Variants in ZNF804B observed in about 807,000 individuals in gnomAD.
ZNF804B encodes zinc finger protein 804B.
A neutral mutation model predicts 101.4 loss-of-function variants in ZNF804B; 80 were observed. The observed-to-expected ratio is 0.79, with a 90% confidence interval of 0.66 to 0.95. The LOEUF is 0.95. ZNF804B is among the 40% of genes least tolerant of loss of function. The pLI, the probability that ZNF804B is intolerant of heterozygous loss-of-function variation, is 0.00. For synonymous variants in ZNF804B, 622 were observed against 558.8 expected, an observed-to-expected ratio of 1.11 and a Z score of -1.59; for missense variants, 1,673 against 1,561.9, an observed-to-expected ratio of 1.07 and a Z score of -1.20.
At position 89,247,536 on chromosome 7, in the gene ZNF804B, C is replaced by A. The variant is rs187818397; in HGVS notation, c.249+29241C>A. Among the ~76,000 whole-genome samples, 4 of 151,884 alleles carry A rather than the reference C, an allele frequency of 2.6e-5. No individual in the cohort carries two copies. The East Asian group carries it at 7.7e-4, about 29-fold the overall frequency. ...CCAACATTGTCTACAATCACATAAC[C>A]AGGGATGGGTAAAGGGAAAGGGAAA... On this transcript the variant is annotated intron_variant, in intron 2 of 3. Coordinates refer to ENST00000333190, the MANE Select transcript of ZNF804B (RefSeq NM_181646.5).
intron 2 of ZNF804B, among the ~76,000 whole-genome samples, chr7:89,303,723 T>C (rs967668939): frequency 2.6e-5 from 4 of 151,952 alleles, no homozygotes; most frequent in Admixed American, 6.6e-5. Context: ...TATTTCATTG[T>C]AGTAATCATT....
chr7:88,802,409 C>T (rs1437017187), intron 1 of ZNF804B, among the ~76,000 whole-genome samples: 1 of 151,782 alleles, frequency 6.6e-6, no homozygotes, highest in Non-Finnish European at 1.5e-5. Flanking sequence ...TGTTAAAATA[C>T]GTTAAAATTG....
At chr7:89,008,210 T>C (rs1788398771) in intron 1 of ZNF804B, among the ~76,000 whole-genome samples, 1 of 152,142 alleles carries the variant, frequency 6.6e-6, no homozygotes, top group African/African-American at 2.4e-5. Flanking sequence ...CACCCAAATA[T>C]ATTGCATCAG....
intron 1 of ZNF804B, among the ~76,000 whole-genome samples, chr7:88,931,770 A>G (rs10241674): frequency 0.08 from 12,147 of 151,884 alleles, 854 homozygotes; most frequent in African/African-American, 0.18. Context: ...TGATCAATAA[A>G]TGTCTGTTGA....
At position 89,333,690 on chromosome 7, in the gene ZNF804B, A is replaced by C; in HGVS notation, c.708A>C (p.Ser236=). The change falls in exon 4 of 4, where the codon TCA becomes TCC. Residue 236 remains serine, a synonymous_variant. Transcript: ENST00000333190. The stretch of plus-strand genomic sequence containing the variant: ...ACCTAAAATTAGAATCTTCAGCATC[A>C]GTTTTCAGTGAGAACACAGAAGAAA... ...KVHLKLESSA[S]VFSENTEETH... The C allele has an allele frequency of 6.2e-7, 1 of 1,613,554 alleles. No individual in the cohort carries two copies. The highest frequency in any genetic ancestry group is 8.5e-7 in the Non-Finnish European group (1 of 1,179,710).
At chr7:89,001,069 A>G (rs1266322764) in intron 1 of ZNF804B, among the ~76,000 whole-genome samples, 1 of 147,768 alleles carries the variant, frequency 6.8e-6, no homozygotes, top group Non-Finnish European at 1.5e-5. Flanking sequence ...TGGGGTTGGA[A>G]TGATGTTGGT....
chr7:89,243,103 A>C (rs1333262200), intron 2 of ZNF804B, among the ~76,000 whole-genome samples: 1 of 151,836 alleles, frequency 6.6e-6, no homozygotes, highest in African/African-American at 2.4e-5. Context: ...CTTAACATTA[A>C]TCTTCTTATA....
chr7:88,904,598 T>C (rs1199392785), intron 1 of ZNF804B, among the ~76,000 whole-genome samples: 1 of 152,156 alleles, frequency 6.6e-6, no homozygotes, highest in Non-Finnish European at 1.5e-5. Context: ...GAATATTTTT[T>C]ATTTATTTGT....
chr7:89,245,610 T>A (rs1000182574), intron 2 of ZNF804B, among the ~76,000 whole-genome samples: 1 of 152,140 alleles, frequency 6.6e-6, no homozygotes, highest in Non-Finnish European at 1.5e-5. Flanking sequence ...AAAATAATGA[T>A]GGAAATTAAG....
At chr7:88,976,910 C>T (rs1187422468) in intron 1 of ZNF804B, among the ~76,000 whole-genome samples, 1 of 151,396 alleles carries the variant, frequency 6.6e-6, no homozygotes, top group Non-Finnish European at 1.5e-5. Flanking sequence ...TATGTTCTTT[C>T]TATATGCAGG....
chr7:88,788,458 C>T (rs1790335209), intron 1 of ZNF804B, among the ~76,000 whole-genome samples: 1 of 152,096 alleles, frequency 6.6e-6, no homozygotes, highest in Non-Finnish European at 1.5e-5. Flanking sequence ...TCATTCAGAT[C>T]TCAGTTTGAG....
At chr7:89,292,779 G>A (rs1790317303) in intron 2 of ZNF804B, among the ~76,000 whole-genome samples, 1 of 151,840 alleles carries the variant, frequency 6.6e-6, no homozygotes, top group Non-Finnish European at 1.5e-5. Flanking sequence ...GAAATAATTG[G>A]ATGAAAGGTC....
chr7:88,984,050 G>GA (rs1261917313), intron 1 of ZNF804B, among the ~76,000 whole-genome samples: 11 of 152,004 alleles, frequency 7.2e-5, no homozygotes, highest in African/African-American at 2.2e-4. Context: ...AAACCTAAAT[G>GA]AAAATAACTT....
intron 1 of ZNF804B, among the ~76,000 whole-genome samples, chr7:89,173,894 A>G (rs2116438482): frequency 6.6e-6 from 1 of 152,138 alleles, no homozygotes; most frequent in South Asian, 2.1e-4. Flanking sequence ...AACTCTAACA[A>G]TATTCTATTT....
At position 89,336,934 on chromosome 7, in the gene ZNF804B, T is replaced by C. The variant is rs1224845455; in HGVS notation, c.3952T>C (p.Phe1318Leu). The C allele has an allele frequency of 6.2e-7, 1 of 1,614,076 alleles. No individual in the cohort carries two copies. Among genetic ancestry groups the C allele is most frequent in the South Asian group, 1.1e-5 (1 of 91,084 alleles). ...CTTGAATCCTTTAATCCAACCAGTA[T>C]TCCAAGGTCAAGATTTTTGCCATCA... is the stretch of plus-strand genomic sequence containing the variant. Reference protein sequence around the residue: ...IHLNPLIQPVFQGQDFCHHSC... With the variant: ...IHLNPLIQPVLQGQDFCHHSC... The change falls in exon 4 of 4, where the codon TTC becomes CTC. Residue 1318 changes from phenylalanine (F) to leucine (L), a missense_variant. By Grantham distance (22) the Phe-to-Leu change is conservative (BLOSUM62 0). Coordinates refer to ENST00000333190, the MANE Select transcript of ZNF804B (RefSeq NM_181646.5).
chr7:88,880,769 A>C (rs1792018350), intron 1 of ZNF804B, among the ~76,000 whole-genome samples: 1 of 152,100 alleles, frequency 6.6e-6, no homozygotes, highest in South Asian at 2.1e-4. Context: ...TATTGATTAA[A>C]AATTGATGAC....
intron 1 of ZNF804B, among the ~76,000 whole-genome samples, chr7:89,156,956 G>A (rs1217372072): frequency 1.3e-5 from 2 of 152,162 alleles, no homozygotes; most frequent in African/African-American, 2.4e-5. Flanking sequence ...GGGAGAAGGA[G>A]TTGTGGGGTC....
chr7:89,322,459 A>T (rs1464079092), intron 2 of ZNF804B, among the ~76,000 whole-genome samples: 1 of 152,180 alleles, frequency 6.6e-6, no homozygotes, highest in Non-Finnish European at 1.5e-5. Context: ...GAATATTTAG[A>T]TGTTATTGAA....
intron 1 of ZNF804B, among the ~76,000 whole-genome samples, chr7:88,880,888 A>G (rs1045724739): frequency 3.3e-5 from 5 of 152,086 alleles, no homozygotes; most frequent in South Asian, 2.1e-4. Flanking sequence ...TGGCTAGTGA[A>G]CATTATTTTA....
Sources: allele counts gnomAD v4.1 joint callset (sites outside exome capture counted in the v4.1 genomes callset), GRCh38; gene constraint gnomAD v4.1.1; transcripts MANE v1.5; gene names NCBI Gene and HGNC (gene_info 2026-07-23, HGNC 2026-07-21).